BIRC6: variants seen among roughly 807,000 people sequenced by gnomAD.
BIRC6 encodes baculoviral IAP repeat containing 6.
A neutral mutation model predicts 503.3 loss-of-function variants in BIRC6; 98 were observed. The observed-to-expected ratio is 0.19, with a 90% CI of 0.17 to 0.23. The LOEUF is 0.23. Among genes scored for constraint, BIRC6 ranks in the 10% least tolerant of loss-of-function variants. The pLI is 1.00. For synonymous variants in BIRC6, 2,240 were observed against 2,078.7 expected (o/e 1.08, Z -2.11); for missense variants, 5,360 against 5,806.0 (o/e 0.92, Z 2.50).
chr2:32,378,646 C>T (rs1319910058), intron 2 of BIRC6, among the ~76,000 whole-genome samples: 3 of 151,866 alleles, frequency 2.0e-5, no homozygotes, highest in Non-Finnish European at 2.9e-5. Context: ...TTAGTAGAGA[C>T]GGGTTTCACC....
chr2:32,483,425 C>T (rs888701319), intron 39 of BIRC6, among the ~76,000 whole-genome samples: 1 of 152,052 alleles, frequency 6.6e-6, no homozygotes, highest in Non-Finnish European at 1.5e-5. Context: ...AATTTGATGT[C>T]ATTTTTGTTT....
chr2:32,481,286 C>T, intron 37 of BIRC6, 34 bp from the exon 38 acceptor site: 2 of 1,487,868 alleles, frequency 1.3e-6, no homozygotes, highest in African/African-American at 1.4e-5. Context: ...ATGTGATACA[C>T]TCCACCAATA....
intron 61 of BIRC6, among the ~76,000 whole-genome samples, chr2:32,542,776 T>C: frequency 6.6e-6 from 1 of 152,216 alleles, no homozygotes; most frequent in Admixed American, 6.5e-5. Context: ...TCTGCTGTCA[T>C]GTGCGTCTTG....
chr2:32,488,026 A>G (rs1558869405), intron 41 of BIRC6, among the ~76,000 whole-genome samples: 1 of 55,226 alleles, frequency 1.8e-5, no homozygotes, highest in African/African-American at 7.7e-5. Flanking sequence ...AATTCCTACT[A>G]CACATACACA....
chr2:32,469,375 TG>T lies in BIRC6; in HGVS notation c.6128-19del, dbSNP rs764016690. On this transcript the variant is annotated intron_variant, in intron 29 of 73. Coordinates refer to ENST00000421745, the MANE Select transcript of BIRC6 (RefSeq NM_016252.4). The stretch of plus-strand genomic sequence containing the variant: ...AATACATTTAAATAGGAAAGTTTAC[TG>T]TTTTCTTTCTTGTAATAGGACACTC... 4 of 1,581,936 alleles carry T rather than the reference TG, an allele frequency of 2.5e-6. No homozygotes were observed. The highest frequency in any genetic ancestry group is 3.4e-6 in the Non-Finnish European group (4 of 1,160,652).
chr2:32,547,945 T>C lies in BIRC6; in HGVS notation c.12906T>C (p.Ser4302=), dbSNP rs142781350. Residue 4302 remains serine (S), a synonymous_variant, in exon 64 of 74, where the codon TCT becomes TCC. Coordinates refer to ENST00000421745, the MANE Select transcript of BIRC6 (RefSeq NM_016252.4). The part of the protein sequence containing the change: ...GTGFGTGSTA[S]GWDVEQALTK... ...GCTTTGGAACAGGCTCTACAGCTTC[T>C]GGGTGGGATGTGGAACAAGCCTTAA... 1,249 of 1,613,804 alleles carry C rather than the reference T, an allele frequency of 7.7e-4. 9 individuals carry two copies. The African/African-American group carries it at 0.014, about 19-fold the overall frequency.
intron 26 of BIRC6, among the ~76,000 whole-genome samples, chr2:32,467,276 C>T (rs2048656947): frequency 6.6e-6 from 1 of 152,224 alleles, no homozygotes; most frequent in Admixed American, 6.5e-5. Flanking sequence ...GGACTAGAGG[C>T]ACTTGCCACT....
intron 49 of BIRC6, 111 bp from the exon 50 acceptor site, chr2:32,504,894 T>C (rs540974432): frequency 2.1e-6 from 2 of 973,678 alleles, no homozygotes; most frequent in South Asian, 3.3e-5. Context: ...CAGCATCAAT[T>C]GTTCATGTTT....
intron 6 of BIRC6, among the ~76,000 whole-genome samples, chr2:32,397,628 A>ATATATG (rs770712336): frequency 2.2e-5 from 3 of 138,402 alleles, no homozygotes; most frequent in African/African-American, 8.0e-5. Flanking sequence ...ATATATATAT[A>ATATATG]TGTATATATA....
chr2:32,482,492 T>C lies in BIRC6; in HGVS notation c.7606T>C (p.Tyr2536His). 6.2e-7 allele frequency: 1 copy of C among 1,613,842 alleles called. No individual in the cohort carries two copies. The highest frequency in any genetic ancestry group is 1.1e-5 in the South Asian group (1 of 91,080). Residue 2536 changes from tyrosine (Y) to histidine (H), a missense_variant, in exon 39 of 74, where the codon TAC (tyrosine) becomes CAC (histidine). Physicochemically the swap from Tyr to His is moderately conservative, Grantham distance 83. This residue lies in a region of BIRC6 where 2,299 missense variants were observed against 2,267.2 expected (regional missense o/e 1.01). Transcript: ENST00000421745. ...ADYGTYNYNPYIGGLGIPVAK... is the reference protein window; with the variant it reads ...ADYGTYNYNPHIGGLGIPVAK... ...TTATGGGACCTACAATTACAACCCT[T>C]ACATTGGAGGTCTGGGAATTCCTGT...
At chr2:32,445,409 G>A (rs2045854045) in intron 20 of BIRC6, 112 bp from the exon 21 acceptor site, 5 of 1,072,838 alleles carry the variant, frequency 4.7e-6, no homozygotes, top group Non-Finnish European at 5.1e-6. Context: ...TCCAGAAAAG[G>A]GAGTATCTTT....
At position 32,450,794 on chromosome 2, in the gene BIRC6, C is replaced by G. The variant is rs575794622; in HGVS notation, c.4618+1866C>G. Among the ~76,000 whole-genome samples, 4 of 152,228 alleles carry G rather than the reference C, an allele frequency of 2.6e-5. No individual in the cohort carries two copies. In the East Asian group the frequency reaches 7.7e-4, roughly 29 times the overall value. ...AGTTTGTGTATAACTTACACACATC[C>G]TGCTGTGTGCCTTAAATCATTTCTA... On this transcript the variant is annotated intron_variant, in intron 22 of 73. Coordinates refer to ENST00000421745, the MANE Select transcript of BIRC6 (RefSeq NM_016252.4).
At chr2:32,399,521 T>A (rs2040368682) in intron 6 of BIRC6, among the ~76,000 whole-genome samples, 1 of 152,238 alleles carries the variant, frequency 6.6e-6, no homozygotes, top group African/African-American at 2.4e-5. Context: ...GCCTCCTGAC[T>A]AACTGGGACT....
chr2:32,534,428 A>C (rs1167346467), intron 61 of BIRC6, among the ~76,000 whole-genome samples: 1 of 148,934 alleles, frequency 6.7e-6, no homozygotes, highest in Non-Finnish European at 1.5e-5. Flanking sequence ...GAACTGGAAG[A>C]TGTATCAAAA....
chr2:32,441,314 A>T lies in BIRC6; in HGVS notation c.3811-15A>T, dbSNP rs1188521838. ...AGTTTATTTTTTAAAATTCATTATT[A>T]TTTGTAATGTTTAGGAAAAATCATC... On this transcript the variant is annotated splice_polypyrimidine_tract_variant and intron_variant, in intron 16 of 73. Transcript: ENST00000421745. The T allele has an allele frequency of 1.4e-6, 2 of 1,448,656 alleles. No homozygotes were observed. Among genetic ancestry groups the T allele is most frequent in the Non-Finnish European group, 9.4e-7 (1 of 1,065,084 alleles). 89.7% of individuals were successfully genotyped at this position (1,448,656 alleles called of 1,614,324 possible). A position where few individuals can be genotyped will look rare whatever the true frequency, so the allele number is the denominator to read the frequency against.
At chr2:32,612,424 C>G (rs1320822049) in intron 73 of BIRC6, among the ~76,000 whole-genome samples, 1 of 152,056 alleles carries the variant, frequency 6.6e-6, no homozygotes, top group East Asian at 1.9e-4. Context: ...TTTCCTGCAT[C>G]TGAATGTCTT....
At position 32,487,808 on chromosome 2, in the gene BIRC6, C is replaced by T. The variant is rs2366891; in HGVS notation, c.7968+7C>T. ...TCAAGTCCATCATGTTCAGGTATGA[C>T]TTCAGGAGAAATGGTGTATTTTTAC... is the stretch of plus-strand genomic sequence containing the variant. On this transcript the variant is annotated splice_region_variant and intron_variant, in intron 41 of 73. Coordinates refer to ENST00000421745, the MANE Select transcript of BIRC6 (RefSeq NM_016252.4). 6.2e-7 allele frequency: 1 copy of T among 1,602,856 alleles called. No homozygotes were observed.
intron 20 of BIRC6, among the ~76,000 whole-genome samples, chr2:32,443,806 C>G (rs937856654): frequency 2.0e-5 from 3 of 152,164 alleles, no homozygotes; most frequent in African/African-American, 7.2e-5. Flanking sequence ...ACGTTAATAT[C>G]AAGTCATCTC....
chr2:32,530,855 G>C (rs1403114592), intron 60 of BIRC6, among the ~76,000 whole-genome samples: 1 of 152,082 alleles, frequency 6.6e-6, no homozygotes, highest in African/African-American at 2.4e-5. Context: ...GTTTTCTTTG[G>C]TGAGTAATTC....
Sources: gnomAD v4.1 joint callset for allele counts (sites outside exome capture counted in the v4.1 genomes callset) on GRCh38, gnomAD v4.1.1 for gene constraint, gnomAD v4.1.1 regional missense constraint, MANE v1.5 for transcripts, NCBI Gene and HGNC (gene_info 2026-07-23, HGNC 2026-07-21) for gene names.